The following STK32A variants were observed in gnomAD, a reference collection of about 807,000 sequenced individuals.
STK32A encodes the protein serine/threonine kinase 32A.
In STK32A, 41 loss-of-function variants were observed where a neutral mutation model predicts 53.2. That is an observed-to-expected ratio of 0.77 (90% CI 0.60 to 1.00). The LOEUF is 1.00. STK32A is among the 50% of genes least tolerant of loss of function. STK32A has a pLI of 0.00. For missense variants in STK32A, 458 were observed against 485.8 expected (o/e 0.94, Z 0.54); for synonymous variants, 166 against 162.8 (o/e 1.02, Z -0.15).
At chr5:147,327,071 C>G (rs1754632577) in intron 5 of STK32A, among the ~76,000 whole-genome samples, 1 of 152,120 alleles carries the variant, frequency 6.6e-6, no homozygotes. Flanking sequence ...ATTTTCTGCT[C>G]TCAGAATACC....
At chr5:147,288,464 A>T (rs1195048571) in intron 4 of STK32A, among the ~76,000 whole-genome samples, 1 of 152,132 alleles carries the variant, frequency 6.6e-6, no homozygotes, top group Non-Finnish European at 1.5e-5. Context: ...AATACCTGAG[A>T]CTGGGTAATT....
chr5:147,314,341 T>C (rs549390498), intron 4 of STK32A, among the ~76,000 whole-genome samples: 5 of 151,646 alleles, frequency 3.3e-5, no homozygotes, highest in Non-Finnish European at 5.9e-5. Flanking sequence ...CTACTAAAAA[T>C]ATAAAAATTA....
intron 4 of STK32A, among the ~76,000 whole-genome samples, chr5:147,309,232 T>C (rs141525097): frequency 4.5e-4 from 69 of 152,178 alleles, no homozygotes; most frequent in African/African-American, 1.6e-3. Context: ...TTGAAGTCTG[T>C]ATGTGTGTGA....
intron 8 of STK32A, among the ~76,000 whole-genome samples, chr5:147,366,456 G>A (rs184605849): frequency 2.7e-3 from 412 of 152,242 alleles, no homozygotes; most frequent in African/African-American, 4.9e-3. Flanking sequence ...ATTCCAGTTC[G>A]TGTTGGGGAG....
At chr5:147,256,925 C>A (rs9686742) in intron 2 of STK32A, among the ~76,000 whole-genome samples, 46,508 of 151,884 alleles carry the variant, frequency 0.31, 7,350 homozygotes, top group African/African-American at 0.38. Context: ...AAGGTGCAGG[C>A]GGTGGGGATC....
At chr5:147,256,763 C>T (rs1013360322) in intron 2 of STK32A, among the ~76,000 whole-genome samples, 8 of 152,158 alleles carry the variant, frequency 5.3e-5, no homozygotes, top group Non-Finnish European at 5.9e-5. Flanking sequence ...CCCCCTGCCT[C>T]GGCCTCCCAA....
chr5:147,280,987 G>T (rs1752039312), intron 4 of STK32A, among the ~76,000 whole-genome samples: 1 of 152,186 alleles, frequency 6.6e-6, no homozygotes, highest in African/African-American at 2.4e-5. Flanking sequence ...TCCAGTACCA[G>T]CCTGGAGCTG....
At chr5:147,279,981 AAC>A (rs1751975563) in intron 4 of STK32A, among the ~76,000 whole-genome samples, 1 of 152,074 alleles carries the variant, frequency 6.6e-6, no homozygotes, top group Non-Finnish European at 1.5e-5. Context: ...TCCTCTCCCA[AAC>A]ACACACCCCC....
chr5:147,271,095 A>C (rs1422290837), intron 2 of STK32A, among the ~76,000 whole-genome samples: 1 of 152,002 alleles, frequency 6.6e-6, no homozygotes, highest in Non-Finnish European at 1.5e-5. Flanking sequence ...TCCTGGGTTC[A>C]AGGGTGTTGC....
At chr5:147,326,850 C>T (rs1754618520) in intron 5 of STK32A, among the ~76,000 whole-genome samples, 1 of 152,076 alleles carries the variant, frequency 6.6e-6, no homozygotes, top group Non-Finnish European at 1.5e-5. Context: ...GGACCTATGT[C>T]AACATCATTA....
intron 2 of STK32A, among the ~76,000 whole-genome samples, chr5:147,240,559 T>G (rs922669629): frequency 9.9e-5 from 15 of 152,214 alleles, no homozygotes; most frequent in African/African-American, 3.6e-4. Context: ...ATCTTCAATT[T>G]TGTTATCAAT....
intron 4 of STK32A, among the ~76,000 whole-genome samples, chr5:147,289,858 A>T (rs1389796092): frequency 3.3e-5 from 5 of 152,180 alleles, no homozygotes; most frequent in African/African-American, 1.2e-4. Flanking sequence ...AGCCTCAATC[A>T]TTCCTTCTTT....
At position 147,257,751 on chromosome 5, in the gene STK32A, T is replaced by G. The variant is rs562078458; in HGVS notation, c.52+18065T>G. Among the ~76,000 whole-genome samples, 2 of 152,166 alleles carry G rather than the reference T, an allele frequency of 1.3e-5. 1 individual carries two copies. The highest frequency in any genetic ancestry group is 1.3e-4 in the Admixed American group (2 of 15,276). ...TCCACCCTTTGATAAGAACGTGATCTTCAGGCTGGTGTTGGTTTACCGGAA... is the reference window on the plus strand; with the variant it reads ...TCCACCCTTTGATAAGAACGTGATCGTCAGGCTGGTGTTGGTTTACCGGAA... On this transcript the variant is annotated intron_variant, in intron 2 of 12. Coordinates refer to ENST00000397936, the MANE Select transcript of STK32A (RefSeq NM_001112724.2).
intron 2 of STK32A, among the ~76,000 whole-genome samples, chr5:147,260,204 C>T (rs1209045351): frequency 1.6e-5 from 1 of 63,944 alleles, no homozygotes; most frequent in Admixed American, 1.7e-4. Context: ...TCTCTCTCCT[C>T]TCTCTCTCCT....
chr5:147,350,724 T>C (rs1417388664), intron 6 of STK32A, among the ~76,000 whole-genome samples: 1 of 152,164 alleles, frequency 6.6e-6, no homozygotes, highest in Non-Finnish European at 1.5e-5. Context: ...CGTGATACTT[T>C]GAGTATCTCT....
chr5:147,363,771 G>A (rs766033180), intron 8 of STK32A, among the ~76,000 whole-genome samples: 1 of 152,146 alleles, frequency 6.6e-6, no homozygotes, highest in Non-Finnish European at 1.5e-5. Context: ...TTCAGAACAG[G>A]CTTGCTCATT....
At chr5:147,282,068 A>G (rs906105329) in intron 4 of STK32A, among the ~76,000 whole-genome samples, 1 of 152,230 alleles carries the variant, frequency 6.6e-6, no homozygotes, top group Non-Finnish European at 1.5e-5. Flanking sequence ...AGAAATTGCC[A>G]TTACCAAGTC....
At chr5:147,263,079 A>T (rs560212439) in intron 2 of STK32A, among the ~76,000 whole-genome samples, 52 of 152,314 alleles carry the variant, frequency 3.4e-4, no homozygotes, top group African/African-American at 1.2e-3. Context: ...AGTGCAGAAG[A>T]TGCCTTGCTG....
chr5:147,289,158 G>GT (rs149609239), intron 4 of STK32A, among the ~76,000 whole-genome samples: 19,759 of 151,572 alleles, frequency 0.13, 1,414 homozygotes, highest in African/African-American at 0.2. Flanking sequence ...TATGTTGCTT[G>GT]TTTTGTTTTG....
Sources: allele counts gnomAD v4.1 joint callset (sites outside exome capture counted in the v4.1 genomes callset), GRCh38; gene constraint gnomAD v4.1.1; transcripts MANE v1.5; gene names NCBI Gene and HGNC (gene_info 2026-07-23, HGNC 2026-07-21).